The following COPS4 variants were observed in gnomAD, a reference collection of about 807,000 sequenced individuals.
COPS4 encodes the protein COP9 signalosome complex subunit 4.
COPS4 carries 8 observed loss-of-function variants against 55.1 expected under a neutral mutation model. That is an observed-to-expected ratio of 0.15 (90% CI 0.09 to 0.26). The LOEUF (loss-of-function observed/expected upper bound fraction) is 0.26. COPS4 is among the 10% of genes least tolerant of loss of function. The pLI, the probability that COPS4 is intolerant of heterozygous loss-of-function variation, is 1.00. For missense variants in COPS4, 248 were observed against 484.0 expected (o/e 0.51, Z 4.58); for synonymous variants, 185 against 165.7 (o/e 1.12, Z -0.90).
At chr4:83,050,621 C>T (rs1024049479) in intron 4 of COPS4, among the ~76,000 whole-genome samples, 1 of 152,098 alleles carries the variant, frequency 6.6e-6, no homozygotes, top group Admixed American at 6.6e-5. Context: ...CGAATATCAT[C>T]ACTAGATACT....
chr4:83,058,663 A>G (rs1476339890), intron 6 of COPS4, among the ~76,000 whole-genome samples: 1 of 152,196 alleles, frequency 6.6e-6, no homozygotes, highest in Non-Finnish European at 1.5e-5. Flanking sequence ...TAGCATATAC[A>G]CACTTTTGCA....
chr4:83,048,877 C>T (rs944910404), intron 2 of COPS4, among the ~76,000 whole-genome samples: 2 of 152,028 alleles, frequency 1.3e-5, no homozygotes, highest in Admixed American at 6.6e-5. Flanking sequence ...GAACTCCTGA[C>T]GTCGTGATCT....
At chr4:83,049,115 T>G (rs751412740) in intron 2 of COPS4, 51 bp from the exon 3 acceptor site, 2 of 1,528,316 alleles carry the variant, frequency 1.3e-6, no homozygotes, top group Non-Finnish European at 1.8e-6. Context: ...GATTGTTTAA[T>G]GACAATTTAT....
intron 2 of COPS4, 76 bp downstream of exon 2, chr4:83,045,781 G>T: frequency 1.2e-6 from 1 of 865,624 alleles, no homozygotes; most frequent in South Asian, 1.7e-5. Flanking sequence ...GCCTTGTTTT[G>T]TATCAAATTA....
At chr4:83,049,349 G>A in intron 3 of COPS4, 32 bp downstream of exon 3, 6 of 1,534,168 alleles carry the variant, frequency 3.9e-6, no homozygotes, top group Non-Finnish European at 5.3e-6. Context: ...TTTTTAACTT[G>A]AGATAGCAGC....
At chr4:83,058,596 T>C (rs757707981) in intron 6 of COPS4, among the ~76,000 whole-genome samples, 1 of 152,256 alleles carries the variant, frequency 6.6e-6, no homozygotes, top group Non-Finnish European at 1.5e-5. Flanking sequence ...AACATGGTAC[T>C]GCTTCTTTTT....
chr4:83,054,383 C>T (rs1379526962), intron 4 of COPS4, among the ~76,000 whole-genome samples: 3 of 151,718 alleles, frequency 2.0e-5, no homozygotes, highest in East Asian at 3.8e-4. Flanking sequence ...ATAACTTCAT[C>T]TGCTTTTCTA....
intron 9 of COPS4, among the ~76,000 whole-genome samples, chr4:83,068,772 T>A (rs1731349007): frequency 6.6e-6 from 1 of 152,030 alleles, no homozygotes; most frequent in African/African-American, 2.4e-5. Flanking sequence ...GAGTTTGAGA[T>A]CAGCCTGGCC....
chr4:83,040,188 G>T (rs1730523461), intron 1 of COPS4, among the ~76,000 whole-genome samples: 1 of 152,146 alleles, frequency 6.6e-6, no homozygotes, highest in African/African-American at 2.4e-5. Context: ...ATTTCTGGTG[G>T]TTCTTTTTTC....
intron 6 of COPS4, among the ~76,000 whole-genome samples, chr4:83,061,573 A>T (rs1288672416): frequency 3.3e-5 from 5 of 152,080 alleles, no homozygotes; most frequent in Admixed American, 3.3e-4. Context: ...TTAATTTCTT[A>T]TTGGCTGCTA....
chr4:83,056,875 A>C, intron 4 of COPS4, 51 bp from the exon 5 acceptor site: 22 of 1,439,640 alleles, frequency 1.5e-5, no homozygotes, highest in Non-Finnish European at 2.1e-5. Context: ...TATTCCTAAA[A>C]TTTTCTTGAC....
chr4:83,041,595 T>C (rs1410932548), intron 1 of COPS4, among the ~76,000 whole-genome samples: 1 of 152,092 alleles, frequency 6.6e-6, no homozygotes, highest in Non-Finnish European at 1.5e-5. Context: ...GCCTCCCGTG[T>C]AGCTGGGACT....
intron 7 of COPS4, chr4:83,065,080 GC>G: frequency 1.5e-6 from 1 of 687,162 alleles, no homozygotes; most frequent in Non-Finnish European, 2.6e-6. Flanking sequence ...TCTCCATTTT[GC>G]CCAGGCTGGT....
In COPS4 at chr4:83,035,235, C is replaced by T. The variant is rs139460382; in HGVS notation, c.11C>T (p.Ala4Val). The change falls in exon 1 of 10, where the codon GCC (alanine) becomes GTC (valine). Residue 4 changes from alanine to valine, a missense_variant. Transcript: ENST00000264389. ...TGAGCTGGGAGAAAGATGGCGGCAG[C>T]CGTGCGACAGGATTTGGCCCAGCTC... is the stretch of plus-strand genomic sequence containing the variant. MAA[A>V]VRQDLAQLMN... is the part of the protein sequence containing the mutation. 99 of 1,570,208 alleles carry T rather than the reference C, an allele frequency of 6.3e-5. No individual in the cohort carries two copies. The highest frequency in any genetic ancestry group is 8.1e-5 in the Non-Finnish European group (93 of 1,152,152).
In COPS4 at chr4:83,056,964, A is replaced by G; in HGVS notation, c.449A>G (p.Lys150Arg). The change falls in exon 5 of 10, where the codon AAG (lysine) becomes AGG (arginine). Residue 150 changes from lysine to arginine, a missense_variant. By Grantham distance (26) the Lys-to-Arg change is conservative. Around this residue, in one of 4 missense-constraint regions of COPS4, gnomAD observed 155 missense variants for 326.6 expected, o/e 0.47. Transcript: ENST00000264389. ...GATTATAAACTGGAGACTTACTTGA[A>G]GATTGCTAGGCTATATCTGGAGGAT... is the stretch of plus-strand genomic sequence containing the variant. The part of the protein sequence containing the change: ...NVDYKLETYL[K>R]IARLYLEDDD... 1.2e-6 allele frequency: 2 copies of G among 1,613,344 alleles called. No homozygotes were observed. Among genetic ancestry groups the G allele is most frequent in the Admixed American group, 3.3e-5 (2 of 60,000 alleles).
chr4:83,061,650 A>G (rs376018218), intron 6 of COPS4, among the ~76,000 whole-genome samples: 10 of 152,082 alleles, frequency 6.6e-5, no homozygotes, highest in Middle Eastern at 3.4e-3. Context: ...GGGTATGACA[A>G]TCAGTTACAA....
intron 9 of COPS4, among the ~76,000 whole-genome samples, chr4:83,072,811 A>G (rs1484358859): frequency 4.6e-5 from 7 of 152,206 alleles, no homozygotes; most frequent in Admixed American, 1.3e-4. Context: ...ATATGGTAAT[A>G]AACAAATTTA....
intron 1 of COPS4, among the ~76,000 whole-genome samples, chr4:83,040,207 C>A (rs990137266): frequency 6.6e-6 from 1 of 152,092 alleles, no homozygotes; most frequent in Admixed American, 6.6e-5. Context: ...TCCAATGATA[C>A]TTTTTATGGC....
chr4:83,074,623 C>T (rs570185100), intron 9 of COPS4, among the ~76,000 whole-genome samples: 16 of 150,520 alleles, frequency 1.1e-4, no homozygotes, highest in South Asian at 2.1e-4. Context: ...CCACCACGCC[C>T]GGCTAATTTT....
Sources: allele counts gnomAD v4.1 joint callset (sites outside exome capture counted in the v4.1 genomes callset), GRCh38; gene constraint gnomAD v4.1.1; regional missense constraint gnomAD v4.1.1; transcripts MANE v1.5; gene names NCBI Gene and HGNC (gene_info 2026-07-23, HGNC 2026-07-21).